Variants in BRINP2 observed in about 807,000 individuals in gnomAD.
BRINP2 encodes BMP/retinoic acid-inducible neural-specific protein 2.
Under a neutral mutation model 69.2 loss-of-function variants are expected in BRINP2, and 21 were observed. The ratio of observed to expected loss-of-function variants is 0.30; its 90% CI spans 0.22 to 0.44. BRINP2 has a LOEUF of 0.44. Ranked by LOEUF, BRINP2 falls within the 20% of genes least tolerant of loss-of-function variation. The pLI is 1.00. For missense variants in BRINP2, 877 were observed against 986.0 expected, an observed-to-expected ratio of 0.89 and a Z score of 1.48; for synonymous variants, 380 against 394.1, an observed-to-expected ratio of 0.96 and a Z score of 0.42.
intron 6 of BRINP2, among the ~76,000 whole-genome samples, chr1:177,278,361 C>T (rs1342859701): frequency 1.3e-5 from 2 of 148,688 alleles, no homozygotes; most frequent in African/African-American, 2.6e-5. Flanking sequence ...GAGAAAGTTC[C>T]CGAGGCCATA....
At chr1:177,255,629 C>T (rs915454803) in intron 2 of BRINP2, among the ~76,000 whole-genome samples, 1 of 152,222 alleles carries the variant, frequency 6.6e-6, no homozygotes, top group African/African-American at 2.4e-5. Context: ...ACACTGTAAA[C>T]CATGACTTCA....
At chr1:177,181,757 C>G (rs553681606) in intron 1 of BRINP2, among the ~76,000 whole-genome samples, 1 of 152,306 alleles carries the variant, frequency 6.6e-6, no homozygotes. Flanking sequence ...GCCCTGCACA[C>G]GCCTCTTCTT....
At chr1:177,234,147 A>G (rs1029950325) in intron 2 of BRINP2, among the ~76,000 whole-genome samples, 6 of 152,212 alleles carry the variant, frequency 3.9e-5, no homozygotes, top group African/African-American at 1.4e-4. Flanking sequence ...CGGGCTCCCC[A>G]TACCTTGCTC....
At chr1:177,276,870 T>G (rs1651514358) in intron 6 of BRINP2, among the ~76,000 whole-genome samples, 1 of 152,204 alleles carries the variant, frequency 6.6e-6, no homozygotes, top group South Asian at 2.1e-4. Flanking sequence ...TCAGTTACCT[T>G]GAGACCTAGA....
chr1:177,240,186 T>G (rs1333565552), intron 2 of BRINP2, among the ~76,000 whole-genome samples: 1 of 152,198 alleles, frequency 6.6e-6, no homozygotes, highest in Non-Finnish European at 1.5e-5. Context: ...GAAGGAGGGA[T>G]AGGAAGAAAG....
intron 1 of BRINP2, among the ~76,000 whole-genome samples, chr1:177,208,441 G>A (rs774963102): frequency 6.6e-6 from 1 of 152,176 alleles, no homozygotes; most frequent in Non-Finnish European, 1.5e-5. Flanking sequence ...TTTTAAAAAA[G>A]TGTACTTAAC....
chr1:177,269,522 A>G (rs1315938182), intron 4 of BRINP2, among the ~76,000 whole-genome samples: 1 of 152,174 alleles, frequency 6.6e-6, no homozygotes, highest in Non-Finnish European at 1.5e-5. Flanking sequence ...GGACCCCAGG[A>G]TGGAAAAAGA....
chr1:177,256,906 A>G, intron 3 of BRINP2: 4 of 1,278,234 alleles, frequency 3.1e-6, no homozygotes, highest in Non-Finnish European at 4.0e-6. Flanking sequence ...GGATTGCTTG[A>G]GACAGAGTTC....
chr1:177,225,046 G>T (rs542860253), intron 1 of BRINP2, among the ~76,000 whole-genome samples: 1 of 152,264 alleles, frequency 6.6e-6, no homozygotes, highest in South Asian at 2.1e-4. Context: ...CTTTTGACAT[G>T]CCTAGCATAA....
intron 1 of BRINP2, among the ~76,000 whole-genome samples, chr1:177,186,054 C>T (rs1328954370): frequency 6.6e-6 from 1 of 152,178 alleles, no homozygotes; most frequent in African/African-American, 2.4e-5. Flanking sequence ...AACAACCTGA[C>T]AAGGATGATT....
intron 1 of BRINP2, among the ~76,000 whole-genome samples, chr1:177,174,747 T>C (rs1014664082): frequency 1.3e-5 from 2 of 152,234 alleles, no homozygotes; most frequent in African/African-American, 4.8e-5. Context: ...CTTTCTTTTC[T>C]GCATTCTGGA....
chr1:177,278,769 C>G lies in BRINP2; in HGVS notation c.1219C>G (p.Arg407Gly). Reference sequence around the variant, plus strand: ...GCGCTGCCATCGCCAGCCTCGCTTCCGCCTGCCCAAGGAGAGGTGAGCACC... The same window carrying G: ...GCGCTGCCATCGCCAGCCTCGCTTCGGCCTGCCCAAGGAGAGGTGAGCACC... ...CKRCHRQPRF[R>G]LPKERSLSYW... The change falls in exon 7 of 8, where the codon CGC becomes GGC. Residue 407 changes from arginine (R) to glycine (G), a missense_variant. Arg to Gly is a moderately radical substitution (Grantham distance 125). This residue lies in a region of BRINP2 where 566 missense variants were observed against 625.2 expected (regional missense o/e 0.91). Coordinates refer to ENST00000361539, the MANE Select transcript of BRINP2 (RefSeq NM_021165.4). 6.2e-7 allele frequency: 1 copy of G among 1,614,026 alleles called. No individual in the cohort carries two copies. The highest frequency in any genetic ancestry group is 8.5e-7 in the Non-Finnish European group (1 of 1,180,038).
At chr1:177,237,543 G>A (rs1339433010) in intron 2 of BRINP2, among the ~76,000 whole-genome samples, 1 of 152,190 alleles carries the variant, frequency 6.6e-6, no homozygotes, top group East Asian at 1.9e-4. Context: ...ACCCAGGTTA[G>A]CCACCCTGGC....
intron 1 of BRINP2, among the ~76,000 whole-genome samples, chr1:177,212,560 T>A (rs1457084602): frequency 6.6e-5 from 10 of 151,416 alleles, no homozygotes; most frequent in South Asian, 4.2e-4. Context: ...AAAAAAAAAA[T>A]TTATTGGTGT....
intron 2 of BRINP2, among the ~76,000 whole-genome samples, 196 bp downstream of exon 2, chr1:177,230,341 C>T (rs1649829776): frequency 6.6e-6 from 1 of 152,182 alleles, no homozygotes; most frequent in African/African-American, 2.4e-5. Context: ...AGAAAACACA[C>T]ACAAGCTGGA....
At chr1:177,211,295 G>A (rs978935681) in intron 1 of BRINP2, among the ~76,000 whole-genome samples, 2 of 151,972 alleles carry the variant, frequency 1.3e-5, no homozygotes, top group African/African-American at 4.8e-5. Flanking sequence ...TGTGTGCTTC[G>A]TAGTAATTTC....
In BRINP2 at chr1:177,255,332, T is replaced by C. The variant is rs115826711; in HGVS notation, c.270-587T>C. On this transcript the variant is annotated intron_variant, in intron 2 of 7. Transcript: ENST00000361539. ...ATGTAATGGGTTTATTAATGTTATC[T>C]CTAAATGAAATAACAAATGTTGATT... Among the ~76,000 whole-genome samples, 904 of 152,364 alleles carry C rather than the reference T, an allele frequency of 5.9e-3. 8 individuals are homozygous for C. The highest frequency in any genetic ancestry group is 0.02 in the African/African-American group (847 of 41,592).
At position 177,280,477 on chromosome 1, in the gene BRINP2, G is replaced by A; in HGVS notation, c.1301G>A (p.Gly434Asp). ...LLYCGESTFPGTFLEQSHSCT... is the reference protein window; with the variant it reads ...LLYCGESTFPDTFLEQSHSCT... ...TACTGTGGGGAAAGCACCTTTCCTG[G>A]CACTTTCCTGGAACAGAGCCACAGC... Residue 434 changes from glycine to aspartate, a missense_variant, in exon 8 of 8, where the codon GGC becomes GAC. Physicochemically the swap from Gly to Asp is moderately conservative, Grantham distance 94. Transcript: ENST00000361539. 6.2e-7 allele frequency: 1 copy of A among 1,614,162 alleles called. No individual in the cohort carries two copies.
chr1:177,187,218 A>G (rs74968601), intron 1 of BRINP2, among the ~76,000 whole-genome samples: 7,046 of 141,980 alleles, frequency 0.05, 236 homozygotes, highest in African/African-American at 0.12. Context: ...TTCCTGCCCT[A>G]GCATATTGTG....
Sources: allele counts gnomAD v4.1 joint callset (sites outside exome capture counted in the v4.1 genomes callset), GRCh38; gene constraint gnomAD v4.1.1; regional missense constraint gnomAD v4.1.1; transcripts MANE v1.5; gene names NCBI Gene and HGNC (gene_info 2026-07-23, HGNC 2026-07-21).